Variants in CCDC3 observed in about 807,000 individuals in gnomAD.
The protein encoded by CCDC3 is coiled-coil domain-containing protein 3.
CCDC3 carries 24 observed loss-of-function variants against 21.4 expected under a neutral mutation model. That is an observed-to-expected ratio of 1.12 (90% CI 0.81 to 1.58). The LOEUF (loss-of-function observed/expected upper bound fraction) is 1.58. Among genes scored for constraint, CCDC3 ranks in the 40% most tolerant of loss-of-function variants. CCDC3 has a pLI of 0.00. For synonymous variants in CCDC3, 186 were observed against 166.0 expected, an observed-to-expected ratio of 1.12 and a Z score of -0.93; for missense variants, 425 against 360.9, an observed-to-expected ratio of 1.18 and a Z score of -1.44.
At chr10:13,040,578 T>G (rs1836440059) in intron 5 of CCDC3, among the ~76,000 whole-genome samples, 2 of 152,176 alleles carry the variant, frequency 1.3e-5, no homozygotes, top group Middle Eastern at 3.4e-3. Context: ...TAATCCCAGC[T>G]ACTCAGGAAG....
chr10:13,005,720 TA>T (rs1835916961), upstream of CCDC3, among the ~76,000 whole-genome samples: 1 of 152,200 alleles, frequency 6.6e-6, no homozygotes, highest in South Asian at 2.1e-4. Flanking sequence ...CTGGACCTTC[TA>T]GATAATAAGG....
chr10:12,972,779 C>T (rs905258773), intron 2 of CCDC3, among the ~76,000 whole-genome samples: 9 of 151,920 alleles, frequency 5.9e-5, no homozygotes, highest in African/African-American at 2.2e-4. Context: ...ATCACACCAC[C>T]GCACTCCAGC....
At chr10:13,081,551 T>A (rs1461670291) in intron 3 of CCDC3, among the ~76,000 whole-genome samples, 3 of 152,244 alleles carry the variant, frequency 2.0e-5, no homozygotes. Context: ...CCTACCAAGT[T>A]AAAGCTACGA....
At chr10:13,058,497 G>GAT in intron 4 of CCDC3, 1 of 749,210 alleles carries the variant, frequency 1.3e-6, no homozygotes, top group South Asian at 1.4e-5. Context: ...TCTGACAAAT[G>GAT]ATATCTCTGT....
upstream of CCDC3, among the ~76,000 whole-genome samples, chr10:13,005,757 C>T (rs1445380321): frequency 6.6e-6 from 1 of 152,206 alleles, no homozygotes; most frequent in Non-Finnish European, 1.5e-5. Context: ...GACTTGTACA[C>T]AGCCTGAACT....
Position 13,017,048 on chromosome 10 carries a change from C to G in CCDC3, c.-1-18536G>C, listed in dbSNP as rs902350340. 1.4e-4 allele frequency among the ~76,000 whole-genome samples: 22 copies of G among 152,110 alleles called. No homozygotes were observed. In the South Asian group the frequency reaches 2.1e-3, roughly 14 times the overall value. Reference sequence around the variant, plus strand: ...GAGCTAGGTCTGAGGTTGAGGAGCGCCTCGTACAAATGTGTTACTCTTTGG... The same window carrying G: ...GAGCTAGGTCTGAGGTTGAGGAGCGGCTCGTACAAATGTGTTACTCTTTGG... On this transcript the variant is annotated intron_variant, in intron 5 of 6. Transcript: ENST00000378839.
chr10:12,985,420 C>A (rs917262951), intron 2 of CCDC3, among the ~76,000 whole-genome samples: 2 of 152,250 alleles, frequency 1.3e-5, no homozygotes, highest in Non-Finnish European at 2.9e-5. Context: ...CAATGGGACT[C>A]TTGGGCATTT....
intron 2 of CCDC3, among the ~76,000 whole-genome samples, chr10:12,952,280 C>T (rs1441658128): frequency 6.6e-6 from 1 of 152,060 alleles, no homozygotes; most frequent in Non-Finnish European, 1.5e-5. Flanking sequence ...CAAAGTAGGC[C>T]CTCAATAAAT....
chr10:12,982,174 C>G (rs1444251347), intron 2 of CCDC3, among the ~76,000 whole-genome samples: 4 of 91,394 alleles, frequency 4.4e-5, no homozygotes, highest in Non-Finnish European at 9.1e-5. Flanking sequence ...CAATCAAAAT[C>G]AAAAGCCATG....
At chr10:13,043,740 T>C (rs979432083) in intron 5 of CCDC3, among the ~76,000 whole-genome samples, 1 of 152,248 alleles carries the variant, frequency 6.6e-6, no homozygotes, top group Non-Finnish European at 1.5e-5. Flanking sequence ...CACATTTTCT[T>C]TATCCAGTAC....
intron 3 of CCDC3, among the ~76,000 whole-genome samples, chr10:13,077,921 G>A (rs934125400): frequency 3.3e-5 from 5 of 152,094 alleles, no homozygotes; most frequent in African/African-American, 9.7e-5. Flanking sequence ...AGAAAACCTA[G>A]GCAATACCAT....
At chr10:12,927,825 A>T (rs1834569702) in intron 2 of CCDC3, among the ~76,000 whole-genome samples, 1 of 152,200 alleles carries the variant, frequency 6.6e-6, no homozygotes, top group African/African-American at 2.4e-5. Flanking sequence ...AACTTTTTTC[A>T]ATTCAATTGC....
intron 2 of CCDC3, among the ~76,000 whole-genome samples, chr10:12,991,299 T>C (rs1589033024): frequency 6.7e-6 from 1 of 149,268 alleles, no homozygotes; most frequent in East Asian, 2.0e-4. Flanking sequence ...AGCTTGAACA[T>C]ATGTTTTTTT....
chr10:12,998,827 T>C (rs1478372166), intron 1 of CCDC3, among the ~76,000 whole-genome samples: 3 of 152,186 alleles, frequency 2.0e-5, no homozygotes, highest in East Asian at 3.8e-4. Flanking sequence ...TATTTCCTGG[T>C]GAAAAAAAGG....
intron 3 of CCDC3, among the ~76,000 whole-genome samples, chr10:13,077,577 C>T (rs1319251212): frequency 6.6e-6 from 1 of 152,140 alleles, no homozygotes; most frequent in Non-Finnish European, 1.5e-5. Flanking sequence ...AAGAACAAAG[C>T]TGGAGGCATC....
chr10:12,998,567 C>T (rs1835799153), intron 1 of CCDC3, 55 bp from the exon 2 acceptor site: 1 of 1,538,846 alleles, frequency 6.5e-7, no homozygotes, highest in East Asian at 2.3e-5. Flanking sequence ...GGTGTACCAG[C>T]TCCAATCCAG....
At chr10:12,991,098 G>A (rs1246964035) in intron 2 of CCDC3, among the ~76,000 whole-genome samples, 1 of 152,144 alleles carries the variant, frequency 6.6e-6, no homozygotes, top group Non-Finnish European at 1.5e-5. Context: ...CACACTTGCG[G>A]GGATACCTTT....
rs551193374 is a variant in CCDC3 at position 13,010,912 on chromosome 10, C to T, written c.-1-12400G>A. Among the ~76,000 whole-genome samples, 39 of 152,252 alleles carry T rather than the reference C, an allele frequency of 2.6e-4. No homozygotes were observed. In the South Asian group the frequency reaches 7.5e-3, roughly 29 times the overall value. ...AACGGTCACAAAGGGCCGGGCACAG[C>T]GGCTCACGCCTGTAATCCCAGCACT... is the stretch of plus-strand genomic sequence containing the variant. On this transcript the variant is annotated intron_variant, in intron 5 of 6. Coordinates refer to the CCDC3 transcript ENST00000378839.
chr10:13,084,539 G>A lies in CCDC3; in HGVS notation c.-502-10439C>T, dbSNP rs544241798. Among the ~76,000 whole-genome samples, 16 of 152,040 alleles carry A rather than the reference G, an allele frequency of 1.1e-4. 1 individual carries two copies. The highest frequency in any genetic ancestry group is 7.7e-4 in the East Asian group (4 of 5,176). ...TGACCTTAGGTGATCCACTCGCCTC[G>A]GCCTCCCAAAGTGCTGGGATTACAG... On this transcript the variant is annotated intron_variant, in intron 3 of 6. Coordinates refer to the CCDC3 transcript ENST00000378839.
Sources: allele counts gnomAD v4.1 joint callset (sites outside exome capture counted in the v4.1 genomes callset), GRCh38; gene constraint gnomAD v4.1.1; transcripts MANE v1.5; gene names NCBI Gene and HGNC (gene_info 2026-07-23, HGNC 2026-07-21).